The following CCP110 variants were observed in gnomAD, a reference collection of about 807,000 sequenced individuals.
CCP110 encodes the protein centriolar coiled-coil protein of 110 kDa.
In CCP110, 43 loss-of-function variants were observed where a neutral mutation model predicts 105.5. The ratio of observed to expected loss-of-function variants is 0.41; its 90% CI spans 0.32 to 0.53. The LOEUF (loss-of-function observed/expected upper bound fraction) is 0.53, where lower values mean the gene tolerates loss of function less well. Ranked by LOEUF, CCP110 falls within the 20% of genes least tolerant of loss-of-function variation. The probability of loss-of-function intolerance (pLI) is 0.32; values close to 1 mark genes in which losing one functional copy is unlikely to be tolerated. For missense variants in CCP110, 1,016 were observed against 1,189.1 expected (o/e 0.85, Z 2.14); for synonymous variants, 353 against 392.1 (o/e 0.90, Z 1.18).
intron 11 of CCP110, 163 bp downstream of exon 11, chr16:19,546,053 A>G: frequency 1.8e-6 from 1 of 560,110 alleles, no homozygotes; most frequent in Non-Finnish European, 3.1e-6. Flanking sequence ...ATCAGGTGCT[A>G]AAATCTCATT....
intron 6 of CCP110, 107 bp from the exon 7 acceptor site, chr16:19,542,514 T>C: frequency 1.3e-6 from 1 of 796,136 alleles, no homozygotes; most frequent in Non-Finnish European, 2.0e-6. Flanking sequence ...TAGGTCATTT[T>C]TGGAGGCAGT....
chr16:19,533,110 AAAG>A (rs1969931165), intron 3 of CCP110, among the ~76,000 whole-genome samples: 1 of 152,258 alleles, frequency 6.6e-6, no homozygotes, highest in Non-Finnish European at 1.5e-5. Flanking sequence ...TTTGTACTAA[AAAG>A]AAAAACAAAT....
exon 15 of CCP110, chr16:19,551,452 G>T: frequency 1.7e-6 from 1 of 597,440 alleles, no homozygotes; most frequent in Non-Finnish European, 3.0e-6. Flanking sequence ...TTTGGGTGAA[G>T]ACAAATTAGT....
At chr16:19,545,378 A>G (rs946367603) in intron 10 of CCP110, among the ~76,000 whole-genome samples, 168 bp downstream of exon 10, 1 of 152,244 alleles carries the variant, frequency 6.6e-6, no homozygotes, top group Admixed American at 6.5e-5. Context: ...TAAAAGAATT[A>G]CATCATTTAA....
intron 14 of CCP110, among the ~76,000 whole-genome samples, chr16:19,550,819 G>A (rs1161555875): frequency 6.6e-6 from 1 of 152,194 alleles, no homozygotes; most frequent in East Asian, 1.9e-4. Context: ...TTGACTTACG[G>A]TTTTAAAACA....
At chr16:19,531,181 A>G (rs1969854245) in intron 2 of CCP110, among the ~76,000 whole-genome samples, 1 of 152,220 alleles carries the variant, frequency 6.6e-6, no homozygotes, top group Non-Finnish European at 1.5e-5. Context: ...ATTTGATAAC[A>G]CATTGCTTGA....
At position 19,544,294 on chromosome 16, in the gene CCP110, T is replaced by C. The variant is rs75592782; in HGVS notation, c.2485-503T>C. 1.6e-3 allele frequency among the ~76,000 whole-genome samples: 246 copies of C among 152,308 alleles called. 4 individuals carry two copies. The East Asian group carries it at 0.033, about 21-fold the overall frequency. On this transcript the variant is annotated intron_variant, in intron 8 of 14. Coordinates refer to ENST00000381396, the Ensembl canonical transcript of CCP110. ...ATGAATAACATGTAAATGAAGCAGT[T>C]TGTGTGTTTTTGACTTGCTTGAAAG... is the stretch of plus-strand genomic sequence containing the variant.
Position 19,529,066 on chromosome 16 carries a change from G to A in CCP110, c.141+1044G>A, listed in dbSNP as rs114172281. 4.5e-3 allele frequency among the ~76,000 whole-genome samples: 689 copies of A among 152,286 alleles called. 3 individuals are homozygous for A. The highest frequency in any genetic ancestry group is 0.016 in the African/African-American group (658 of 41,546). ...TTATTTGTTAAATGGGGATAAAATA[G>A]TGCCTACCTCATAAGGCTATTTTGA... On this transcript the variant is annotated intron_variant, in intron 2 of 14. Coordinates refer to ENST00000381396, the Ensembl canonical transcript of CCP110.
In CCP110 at chr16:19,540,644, T is replaced by C. The variant is rs377522255; in HGVS notation, c.1919-13T>C. On this transcript the variant is annotated splice_polypyrimidine_tract_variant and intron_variant, in intron 4 of 14. Coordinates refer to ENST00000381396, the Ensembl canonical transcript of CCP110. Reference sequence around the variant, plus strand: ...GTGAATTTTCTAAATTGAGGAAACATGTTTCTTTTCAGAAAGCGAGGAGTT... The same window carrying C: ...GTGAATTTTCTAAATTGAGGAAACACGTTTCTTTTCAGAAAGCGAGGAGTT... 2.1e-5 allele frequency: 33 copies of C among 1,605,138 alleles called. No homozygotes were observed. The highest frequency in any genetic ancestry group is 3.3e-4 in the Middle Eastern group (2 of 6,054).
intron 8 of CCP110, among the ~76,000 whole-genome samples, chr16:19,544,460 T>C (rs548043339): frequency 2.0e-5 from 3 of 152,356 alleles, no homozygotes; most frequent in South Asian, 2.1e-4. Flanking sequence ...TGGTTGTGTC[T>C]GTACTGAACA....
At chr16:19,552,526 C>CAAAAA (rs11358961) in exon 15 of CCP110, 1 of 92,786 alleles carries the variant, frequency 1.1e-5, no homozygotes. Context: ...GACACTGTCT[C>CAAAAA]AAAAAAAAAA....
chr16:19,536,175 A>G (rs1970047745), exon 4 of CCP110: 4 of 1,614,098 alleles, frequency 2.5e-6, no homozygotes, highest in Middle Eastern at 1.7e-4. Flanking sequence ...GAAGGATTTA[A>G]TTCTCCGAAG....
Position 19,532,413 on chromosome 16 carries a change from C to A in CCP110, c.142-3C>A. 6.3e-7 allele frequency: 1 copy of A among 1,575,964 alleles called. No individual in the cohort carries two copies. The highest frequency in any genetic ancestry group is 8.6e-7 in the Non-Finnish European group (1 of 1,166,880). The stretch of plus-strand genomic sequence containing the variant: ...ATAATTACATTTTTATGATGTTTTG[C>A]AGCTTAACATTGAGAAAAGAAAGGA... On this transcript the variant is annotated splice_polypyrimidine_tract_variant and splice_region_variant and intron_variant, in intron 2 of 14. Coordinates refer to ENST00000381396, the Ensembl canonical transcript of CCP110.
At chr16:19,545,932 T>C (rs779849097) in intron 11 of CCP110, 42 bp downstream of exon 11, 1 of 1,137,528 alleles carries the variant, frequency 8.8e-7, no homozygotes. Context: ...TCAAACCAAT[T>C]AATTTTAGTC....
intron 3 of CCP110, 141 bp from the exon 4 acceptor site, chr16:19,535,799 A>T (rs1489784984): frequency 1.6e-6 from 1 of 625,326 alleles, no homozygotes; most frequent in Non-Finnish European, 2.7e-6. Flanking sequence ...GATACCGTAG[A>T]AACCTGTCAT....
At position 19,525,248 on chromosome 16, in the gene CCP110, G is replaced by C. The variant is rs150663739; in HGVS notation, c.-16+1160G>C. ...GGGTAAGGAGCAGATAGGACCATGA[G>C]TCTACGGGGTTTGCAAAGAGGCTCA... On this transcript the variant is annotated intron_variant, in intron 1 of 14. Coordinates refer to ENST00000381396, the Ensembl canonical transcript of CCP110. 7.2e-5 allele frequency: 11 copies of C among 152,296 alleles called. No homozygotes were observed. In the East Asian group the frequency reaches 1.9e-3, roughly 27 times the overall value. 9.4% of individuals were successfully genotyped at this position (152,296 alleles called of 1,614,324 possible). A position where few individuals can be genotyped will look rare whatever the true frequency, so the allele number is the denominator to read the frequency against.
Position 19,531,836 on chromosome 16 carries a change from C to T in CCP110, c.142-580C>T, listed in dbSNP as rs139530465. Among the ~76,000 whole-genome samples the T allele has an allele frequency of 2.6e-3, 391 of 152,164 alleles. 2 individuals carry two copies. The highest frequency in any genetic ancestry group is 8.9e-3 in the African/African-American group (369 of 41,514). ...CAAAAATTAGCTGGGCGTGGTGGCA[C>T]GCGCCTGTAAGCCCATCTACTCCGG... On this transcript the variant is annotated intron_variant, in intron 2 of 14. Coordinates refer to ENST00000381396, the Ensembl canonical transcript of CCP110.
At chr16:19,535,733 G>A (rs1393857690) in intron 3 of CCP110, among the ~76,000 whole-genome samples, 1 of 151,944 alleles carries the variant, frequency 6.6e-6, no homozygotes, top group Non-Finnish European at 1.5e-5. Context: ...TAATAACTTA[G>A]GCAGGATGAC....
chr16:19,552,663 T>C (rs1283783566), exon 15 of CCP110: 1 of 152,140 alleles, frequency 6.6e-6, no homozygotes, highest in Non-Finnish European at 1.5e-5. Context: ...ATTGAGACAG[T>C]GTATATTTAA....
Sources: allele counts gnomAD v4.1 joint callset (sites outside exome capture counted in the v4.1 genomes callset), GRCh38; gene constraint gnomAD v4.1.1; transcripts MANE v1.5; gene names NCBI Gene and HGNC (gene_info 2026-07-23, HGNC 2026-07-21).